GABBR2: variants seen among roughly 807,000 people sequenced by gnomAD.
The protein encoded by GABBR2 is gamma-aminobutyric acid type B receptor subunit 2.
In GABBR2, 23 loss-of-function variants were observed where a neutral mutation model predicts 105.6. The ratio of observed to expected loss-of-function variants is 0.22; its 90% CI spans 0.16 to 0.31. The LOEUF (loss-of-function observed/expected upper bound fraction) is 0.31. Ranked by LOEUF, GABBR2 falls within the 10% of genes least tolerant of loss-of-function variation. The probability of loss-of-function intolerance (pLI) is 1.00; values close to 1 mark genes in which losing one functional copy is unlikely to be tolerated. For missense variants in GABBR2, 734 were observed against 1,245.5 expected, an observed-to-expected ratio of 0.59 and a Z score of 6.18; for synonymous variants, 478 against 499.7, an observed-to-expected ratio of 0.96 and a Z score of 0.58.
intron 1 of GABBR2, among the ~76,000 whole-genome samples, chr9:98,648,762 G>C (rs1830064824): frequency 6.6e-6 from 1 of 152,080 alleles, no homozygotes; most frequent in Non-Finnish European, 1.5e-5. Context: ...TCGAGAATGG[G>C]GCCTGGAAAT....
At chr9:98,531,400 G>A (rs1005871135) in intron 3 of GABBR2, among the ~76,000 whole-genome samples, 12 of 152,230 alleles carry the variant, frequency 7.9e-5, no homozygotes, top group African/African-American at 2.7e-4. Context: ...AGAGGGAGGA[G>A]GAGACTAGTG....
At chr9:98,551,567 C>T (rs911384078) in intron 2 of GABBR2, among the ~76,000 whole-genome samples, 2 of 152,152 alleles carry the variant, frequency 1.3e-5, no homozygotes, top group African/African-American at 4.8e-5. Context: ...CTCTCAAACA[C>T]AGCAAGTTTT....
At chr9:98,596,790 G>C (rs1829241670) in intron 1 of GABBR2, among the ~76,000 whole-genome samples, 2 of 152,218 alleles carry the variant, frequency 1.3e-5, no homozygotes, top group South Asian at 4.2e-4. Flanking sequence ...CGCGTTTGGA[G>C]GGGCAGAGTC....
intron 2 of GABBR2, among the ~76,000 whole-genome samples, chr9:98,544,676 A>T (rs1828368573): frequency 6.6e-6 from 1 of 152,234 alleles, no homozygotes; most frequent in African/African-American, 2.4e-5. Flanking sequence ...TAGTGAGAAC[A>T]GAAGGGCTTC....
chr9:98,486,756 C>T (rs1827061251), intron 4 of GABBR2, among the ~76,000 whole-genome samples: 1 of 152,246 alleles, frequency 6.6e-6, no homozygotes. Flanking sequence ...CTGCCTAAGG[C>T]TTCGGAAGCC....
At chr9:98,297,067 G>A (rs1023107094) in intron 17 of GABBR2, among the ~76,000 whole-genome samples, 9 of 151,900 alleles carry the variant, frequency 5.9e-5, no homozygotes, top group African/African-American at 2.2e-4. Context: ...TTTTGTGTAG[G>A]TGTGAGTTTA....
chr9:98,511,140 T>C (rs1376627207), intron 3 of GABBR2, among the ~76,000 whole-genome samples: 2 of 152,130 alleles, frequency 1.3e-5, no homozygotes, highest in Non-Finnish European at 2.9e-5. Context: ...CTGAACAACC[T>C]GCACCTCAAT....
chr9:98,475,894 C>A (rs1826783484), intron 5 of GABBR2, among the ~76,000 whole-genome samples: 1 of 152,144 alleles, frequency 6.6e-6, no homozygotes. Flanking sequence ...GAAACCTTGT[C>A]TGTACTAAAA....
At chr9:98,603,095 C>T (rs1369538113) in intron 1 of GABBR2, among the ~76,000 whole-genome samples, 1 of 152,232 alleles carries the variant, frequency 6.6e-6, no homozygotes, top group African/African-American at 2.4e-5. Flanking sequence ...GCTAAGAAGA[C>T]TGAATGCTCA....
intron 2 of GABBR2, among the ~76,000 whole-genome samples, chr9:98,560,940 CATT>C (rs1395973402): frequency 6.6e-6 from 1 of 151,826 alleles, no homozygotes; most frequent in African/African-American, 2.4e-5. Context: ...TATCCTATAT[CATT>C]ATAATGTCAT....
chr9:98,330,521 C>T (rs1419789596), intron 13 of GABBR2, among the ~76,000 whole-genome samples: 1 of 152,174 alleles, frequency 6.6e-6, no homozygotes, highest in East Asian at 1.9e-4. Flanking sequence ...GTTTGAGTTA[C>T]TTGCAACCGA....
chr9:98,605,845 T>C (rs894911246), intron 1 of GABBR2, among the ~76,000 whole-genome samples: 10 of 152,190 alleles, frequency 6.6e-5, no homozygotes, highest in African/African-American at 2.4e-4. Context: ...TACATATGTA[T>C]ACATGTGCCA....
chr9:98,648,578 C>G (rs1433525232), intron 1 of GABBR2, among the ~76,000 whole-genome samples: 3 of 152,226 alleles, frequency 2.0e-5, no homozygotes, highest in Non-Finnish European at 2.9e-5. Context: ...TGCCACAGGT[C>G]ACTCCTCCCA....
chr9:98,290,534 C>T lies in GABBR2; in HGVS notation c.*50G>A, dbSNP rs759090244. 3.2e-6 allele frequency: 4 copies of T among 1,252,836 alleles called. No homozygotes were observed. In the African/African-American group the frequency reaches 6.2e-5, roughly 19 times the overall value. The allele number at this position is 1,252,836 out of a possible 1,614,324, so 77.6% of individuals were successfully genotyped here. A position where few individuals can be genotyped will look rare whatever the true frequency, so the allele number is the denominator to read the frequency against. ...AGTGTTTCTGCAGCAGACCCCTCTG[C>T]CCAGTGTGGTTCTGTCACGGGGGAG... On this transcript the variant is annotated 3_prime_UTR_variant, in exon 19 of 19. Transcript: ENST00000259455.
Position 98,685,168 on chromosome 9 carries a change from C to A in GABBR2, c.321+23249G>T, listed in dbSNP as rs1016299801. ...ACTGGCTGAGTCTTCTGGCCTCCATCTGTCTCCCGTGCCGGATGATTCCTG... is the reference window on the plus strand; with the variant it reads ...ACTGGCTGAGTCTTCTGGCCTCCATATGTCTCCCGTGCCGGATGATTCCTG... On this transcript the variant is annotated intron_variant, in intron 1 of 18. Coordinates refer to ENST00000259455, the MANE Select transcript of GABBR2 (RefSeq NM_005458.8). 9.2e-5 allele frequency among the ~76,000 whole-genome samples: 14 copies of A among 152,228 alleles called. No individual in the cohort carries two copies. The East Asian group carries it at 2.7e-3, about 29-fold the overall frequency.
chr9:98,589,732 A>T (rs1428178578), intron 1 of GABBR2, among the ~76,000 whole-genome samples: 20 of 104,000 alleles, frequency 1.9e-4, no homozygotes, highest in Admixed American at 9.4e-4. Flanking sequence ...TTTTTTTTTT[A>T]AAGACAGGAT....
At chr9:98,350,784 ACTT>A (rs1296463110) in intron 13 of GABBR2, among the ~76,000 whole-genome samples, 8 of 152,156 alleles carry the variant, frequency 5.3e-5, no homozygotes, top group Non-Finnish European at 1.0e-4. Context: ...TAATTCTGAC[ACTT>A]CTTTGTTGAG....
At chr9:98,517,051 C>T (rs899314033) in intron 3 of GABBR2, among the ~76,000 whole-genome samples, 1 of 152,148 alleles carries the variant, frequency 6.6e-6, no homozygotes. Context: ...TCCTAAGGGC[C>T]CTCTGATGGA....
At chr9:98,700,891 G>A (rs972427512) in intron 1 of GABBR2, among the ~76,000 whole-genome samples, 5 of 152,102 alleles carry the variant, frequency 3.3e-5, no homozygotes, top group South Asian at 2.1e-4. Context: ...CTGGCTCCTC[G>A]CGTTACCACC....
Sources: gnomAD v4.1 joint callset for allele counts (sites outside exome capture counted in the v4.1 genomes callset) on GRCh38, gnomAD v4.1.1 for gene constraint, MANE v1.5 for transcripts, NCBI Gene and HGNC (gene_info 2026-07-23, HGNC 2026-07-21) for gene names.